Variants in CNTLN observed in about 807,000 individuals in gnomAD.
CNTLN encodes centlein, also known as centlein, centrosomal protein.
In CNTLN, 212 loss-of-function variants were observed where a neutral mutation model predicts 180.0. That is an observed-to-expected ratio of 1.18 (90% confidence interval 1.05 to 1.32). The LOEUF is 1.32. CNTLN is among the 40% of genes most tolerant of loss of function. The pLI, the probability that CNTLN is intolerant of heterozygous loss-of-function variation, is 0.00. For missense variants in CNTLN, 2,095 were observed against 1,610.9 expected, an observed-to-expected ratio of 1.30 and a Z score of -5.14; for synonymous variants, 722 against 563.1, an observed-to-expected ratio of 1.28 and a Z score of -3.99.
chr9:17,260,146 A>G (rs2132354879), intron 5 of CNTLN, among the ~76,000 whole-genome samples: 1 of 147,396 alleles, frequency 6.8e-6, no homozygotes, highest in Admixed American at 6.7e-5. Flanking sequence ...CACTGCTTTG[A>G]ATGCGTCCCA....
intron 15 of CNTLN, 88 bp downstream of exon 15, chr9:17,395,157 C>A: frequency 4.8e-6 from 7 of 1,464,100 alleles, no homozygotes; most frequent in South Asian, 1.5e-5. Context: ...CAACTACTGT[C>A]GATTTGGTAT....
downstream of CNTLN, among the ~76,000 whole-genome samples, chr9:17,506,872 C>T (rs1247878805): frequency 6.6e-5 from 10 of 151,920 alleles, no homozygotes; most frequent in South Asian, 2.1e-4. Context: ...ATTTTACATA[C>T]GTATGGGGTA....
At chr9:17,352,400 A>G (rs1251781585) in intron 12 of CNTLN, among the ~76,000 whole-genome samples, 1 of 50,960 alleles carries the variant, frequency 2.0e-5, no homozygotes, top group Admixed American at 2.4e-4. Flanking sequence ...ATATATATAT[A>G]TATATATATA....
rs536907708 is a variant in CNTLN at position 17,445,122 on chromosome 9, C to T, written c.3115-12402C>T. On this transcript the variant is annotated intron_variant, in intron 18 of 25. Coordinates refer to ENST00000380647, the MANE Select transcript of CNTLN (RefSeq NM_017738.4). ...TCTAAAAATGTCCATTTTTCACTAT[C>T]TTGAACCTTATGAAATTTATACAGG... Among the ~76,000 whole-genome samples, 3 of 151,990 alleles carry T rather than the reference C, an allele frequency of 2.0e-5. No homozygotes were observed. The East Asian group carries it at 5.8e-4, about 29-fold the overall frequency.
At chr9:17,215,686 G>C (rs1001319394) in intron 2 of CNTLN, among the ~76,000 whole-genome samples, 14 of 152,106 alleles carry the variant, frequency 9.2e-5, no homozygotes, top group Non-Finnish European at 1.9e-4. Context: ...TCCTTGAACT[G>C]CGGTGGGCTC....
At chr9:17,199,711 T>G (rs774436883) in intron 2 of CNTLN, among the ~76,000 whole-genome samples, 4 of 152,196 alleles carry the variant, frequency 2.6e-5, no homozygotes, top group Non-Finnish European at 5.9e-5. Context: ...TAAATCTGTT[T>G]TGAGTTCCTT....
At chr9:17,485,618 C>G (rs1396768191) in intron 24 of CNTLN, among the ~76,000 whole-genome samples, 1 of 152,040 alleles carries the variant, frequency 6.6e-6, no homozygotes, top group East Asian at 1.9e-4. Context: ...GATGAGAAAC[C>G]TAACCAAAAT....
intron 24 of CNTLN, among the ~76,000 whole-genome samples, 177 bp downstream of exon 24, chr9:17,484,657 T>A (rs981252823): frequency 2.0e-5 from 3 of 152,124 alleles, no homozygotes; most frequent in African/African-American, 7.2e-5. Context: ...CAAAAAGCCT[T>A]TAAAGAAATT....
At chr9:17,216,572 A>T (rs534648680) in intron 2 of CNTLN, among the ~76,000 whole-genome samples, 3 of 152,110 alleles carry the variant, frequency 2.0e-5, no homozygotes, top group Non-Finnish European at 2.9e-5. Context: ...CAAAGATTTA[A>T]TTTCATAGTA....
At chr9:17,295,692 G>A (rs749998730) in intron 6 of CNTLN, among the ~76,000 whole-genome samples, 1 of 152,076 alleles carries the variant, frequency 6.6e-6, no homozygotes, top group Non-Finnish European at 1.5e-5. Context: ...GACAAATTCA[G>A]TGCTTTCCGC....
chr9:17,330,723 C>G lies in CNTLN; in HGVS notation c.1433C>G (p.Ala478Gly). The G allele has an allele frequency of 6.2e-7, 1 of 1,611,774 alleles. No individual in the cohort carries two copies. Among genetic ancestry groups the G allele is most frequent in the South Asian group, 1.1e-5 (1 of 90,818 alleles). Residue 478 changes from alanine to glycine, a missense_variant, in exon 9 of 26, where the codon GCA becomes GGA. Physicochemically the swap from Ala to Gly is moderately conservative, Grantham distance 60. Coordinates refer to ENST00000380647, the MANE Select transcript of CNTLN (RefSeq NM_017738.4). ...TATTTACAGGAGAAACTAAAGATAG[C>G]AAATGAAAAACTGTCAGAAAACATA... ...IEYLQEKLKI[A>G]NEKLSENISA...
At chr9:17,504,894 C>T (rs11793830), downstream of CNTLN, among the ~76,000 whole-genome samples, 31,707 of 152,050 alleles carry the variant, frequency 0.21, 3,472 homozygotes, top group Middle Eastern at 0.23. Flanking sequence ...TAAGATAATA[C>T]ATTTTATCTA....
chr9:17,328,713 CTGT>C (rs1183488814), intron 8 of CNTLN, among the ~76,000 whole-genome samples: 3 of 152,074 alleles, frequency 2.0e-5, no homozygotes, highest in Non-Finnish European at 4.4e-5. Context: ...CAAAATGCCT[CTGT>C]TGGATGAATT....
chr9:17,399,551 G>C (rs543003051), intron 15 of CNTLN, among the ~76,000 whole-genome samples: 1 of 152,064 alleles, frequency 6.6e-6, no homozygotes, highest in Non-Finnish European at 1.5e-5. Flanking sequence ...TATGGCATTT[G>C]GATCCTTTTA....
rs536377044 is a variant in CNTLN, at chr9:17,497,958, G to A, written c.4120-4593G>A. Among the ~76,000 whole-genome samples the A allele has an allele frequency of 6.6e-5, 10 of 151,956 alleles. No individual in the cohort carries two copies. The East Asian group carries it at 1.5e-3, about 23-fold the overall frequency. On this transcript the variant is annotated intron_variant, in intron 25 of 25. Transcript: ENST00000380647. ...TAATTTTATAATAAACTACATTATC[G>A]TATCTTACTAAGGTCTCATTAAGTC...
chr9:17,160,588 T>G (rs1259540173), intron 2 of CNTLN, among the ~76,000 whole-genome samples: 1 of 152,194 alleles, frequency 6.6e-6, no homozygotes, highest in Non-Finnish European at 1.5e-5. Flanking sequence ...ATCCTCTATC[T>G]TGGTTCTCAG....
At chr9:17,458,768 T>G (rs1831285381) in intron 19 of CNTLN, among the ~76,000 whole-genome samples, 3 of 151,932 alleles carry the variant, frequency 2.0e-5, no homozygotes, top group Non-Finnish European at 2.9e-5. Flanking sequence ...GAATACCATC[T>G]TCTTTAGTCA....
At chr9:17,281,982 G>C (rs1052259454) in intron 6 of CNTLN, among the ~76,000 whole-genome samples, 2 of 151,424 alleles carry the variant, frequency 1.3e-5, no homozygotes, top group Non-Finnish European at 2.9e-5. Flanking sequence ...TGTTTGTTTT[G>C]AGACGAAGTC....
intron 9 of CNTLN, 44 bp from the exon 10 acceptor site, chr9:17,332,561 C>T (rs750666847): frequency 1.1e-5 from 17 of 1,538,978 alleles, no homozygotes; most frequent in Admixed American, 8.6e-5. Flanking sequence ...TTTCATAATC[C>T]AGTGTTCCAA....
Sources: allele counts gnomAD v4.1 joint callset (sites outside exome capture counted in the v4.1 genomes callset), GRCh38; gene constraint gnomAD v4.1.1; transcripts MANE v1.5; gene names NCBI Gene and HGNC (gene_info 2026-07-23, HGNC 2026-07-21).